Variants in ANO1 observed in about 807,000 individuals in gnomAD.
The protein encoded by ANO1 is anoctamin-1.
Under a neutral mutation model 124.0 loss-of-function variants are expected in ANO1, and 59 were observed. The ratio of observed to expected loss-of-function variants is 0.48; its 90% CI spans 0.39 to 0.59. The LOEUF is 0.59. ANO1 is among the 20% of genes least tolerant of loss of function. The pLI, the probability that ANO1 is intolerant of heterozygous loss-of-function variation, is 0.00. For missense variants in ANO1, 1,059 were observed against 1,328.0 expected (o/e 0.80, Z 3.15); for synonymous variants, 529 against 532.0 (o/e 0.99, Z 0.08).
chr11:70,169,448 C>T (rs114847464), intron 21 of ANO1, among the ~76,000 whole-genome samples: 16,858 of 150,132 alleles, frequency 0.11, 1,013 homozygotes, highest in Middle Eastern at 0.16. Context: ...CCCACCTCCC[C>T]GCCCCCCTGC....
At chr11:70,112,012 G>A (rs866989706) in intron 7 of ANO1, among the ~76,000 whole-genome samples, 14 of 152,208 alleles carry the variant, frequency 9.2e-5, no homozygotes, top group African/African-American at 3.4e-4. Context: ...CTCCTGCCTC[G>A]ACTTCCTCTG....
intron 1 of ANO1, among the ~76,000 whole-genome samples, chr11:70,019,243 C>CCCCA (rs1565162181): frequency 1.6e-5 from 2 of 122,022 alleles, no homozygotes; most frequent in Admixed American, 7.9e-5. Flanking sequence ...AAGAACCCCC[C>CCCCA]CACACACACA....
chr11:69,975,117 G>A, the ANO1 span, among the ~76,000 whole-genome samples: 2 of 152,300 alleles, frequency 1.3e-5, no homozygotes, highest in South Asian at 2.1e-4. Flanking sequence ...CGGCACCAAG[G>A]GAATCCTAAC....
Position 70,088,022 on chromosome 11 carries a change from C to G in ANO1, c.379C>G (p.Arg127Gly). The G allele has an allele frequency of 6.6e-7, 1 of 1,522,132 alleles. No individual in the cohort carries two copies. The highest frequency in any genetic ancestry group is 2.4e-5 in the East Asian group (1 of 41,524). The allele number at this position is 1,522,132 out of a possible 1,614,324, so 94.3% of individuals were successfully genotyped here. A position where few individuals can be genotyped will look rare whatever the true frequency, so the allele number is the denominator to read the frequency against. ...MDYHEDDKRF[R>G]REEYEGNLLE... ...CTACCACGAGGATGACAAGCGCTTC[C>G]GCAGGGAGGAGTACGAGGGCAACCT... The change falls in exon 2 of 26, where the codon CGC becomes GGC. Residue 127 changes from arginine (R) to glycine (G), a missense_variant. By Grantham distance (125) the Arg-to-Gly change is moderately radical (BLOSUM62 -2). This residue lies in a region of ANO1 where 250 missense variants were observed against 233.1 expected (regional missense o/e 1.07). Transcript: ENST00000355303.
intron 6 of ANO1, among the ~76,000 whole-genome samples, chr11:70,110,745 G>T (rs1291328843): frequency 1.3e-5 from 2 of 152,164 alleles, no homozygotes; most frequent in Non-Finnish European, 2.9e-5. Context: ...AGCCAAGCAG[G>T]GGGTTCCATG....
chr11:70,140,389 A>C (rs2047108353), intron 11 of ANO1, among the ~76,000 whole-genome samples: 1 of 151,920 alleles, frequency 6.6e-6, no homozygotes, highest in South Asian at 2.1e-4. Context: ...AAATTAGCCG[A>C]GCGTGGTGGC....
intron 1 of ANO1, among the ~76,000 whole-genome samples, chr11:70,018,717 C>T (rs782296631): frequency 2.6e-5 from 4 of 152,204 alleles, no homozygotes; most frequent in Non-Finnish European, 4.4e-5. Flanking sequence ...TGTAGCCCAT[C>T]GGACAGATAC....
chr11:70,018,783 C>T (rs910409914), intron 1 of ANO1, among the ~76,000 whole-genome samples: 1 of 152,226 alleles, frequency 6.6e-6, no homozygotes, highest in African/African-American at 2.4e-5. Context: ...GAAGCCCATC[C>T]CCTGAGTCTG....
chr11:69,981,869 C>T (rs541585096), upstream of ANO1, among the ~76,000 whole-genome samples: 37 of 152,262 alleles, frequency 2.4e-4, no homozygotes, highest in Middle Eastern at 3.4e-3. Flanking sequence ...AAAAGAAATG[C>T]GATTCTGATA....
chr11:70,183,455 A>AG (rs925639070), intron 24 of ANO1, among the ~76,000 whole-genome samples: 2 of 152,038 alleles, frequency 1.3e-5, no homozygotes, highest in Admixed American at 1.3e-4. Flanking sequence ...TGCCATGAGG[A>AG]GGGGGGCTCT....
Position 70,103,134 on chromosome 11 carries a change from G to A in ANO1, c.510G>A (p.Glu170=), listed in dbSNP as rs777994128. The change falls in exon 3 of 26, where the codon GAG becomes GAA. Residue 170 remains glutamate, a synonymous_variant. Coordinates refer to ENST00000355303, the MANE Select transcript of ANO1 (RefSeq NM_018043.7). The part of the protein sequence containing the change: ...APWNVLCREA[E]FLKLKMPTKK... ...GGAACGTGCTGTGCAGAGAGGCCGA[G>A]TTTCTGAAACTGAAGATGCCGACGA... 11 of 1,612,616 alleles carry A rather than the reference G, an allele frequency of 6.8e-6. No homozygotes were observed. The South Asian group carries it at 1.1e-4, about 16-fold the overall frequency.
intron 1 of ANO1, among the ~76,000 whole-genome samples, chr11:70,011,372 G>T (rs902906958): frequency 6.6e-6 from 1 of 152,196 alleles, no homozygotes; most frequent in African/African-American, 2.4e-5. Context: ...ATCTCTGCCT[G>T]TCTGACCTTG....
At chr11:69,995,971 C>A (rs1226292068) in intron 1 of ANO1, among the ~76,000 whole-genome samples, 5 of 152,156 alleles carry the variant, frequency 3.3e-5, no homozygotes, top group African/African-American at 4.8e-5. Flanking sequence ...ATTAGCCAGG[C>A]ATGGTGACAT....
chr11:69,977,154 A>G, the ANO1 span, among the ~76,000 whole-genome samples: 7 of 152,116 alleles, frequency 4.6e-5, no homozygotes, highest in African/African-American at 1.4e-4. Context: ...AAATTAAAAG[A>G]GGGGGGGACA....
At chr11:70,073,576 G>A (rs2044014899), upstream of ANO1, among the ~76,000 whole-genome samples, 2 of 152,100 alleles carry the variant, frequency 1.3e-5, no homozygotes, top group South Asian at 4.1e-4. Context: ...AAAAAACTGA[G>A]GATGGTGGGC....
At chr11:70,000,916 A>G (rs1291701886) in intron 1 of ANO1, among the ~76,000 whole-genome samples, 2 of 150,178 alleles carry the variant, frequency 1.3e-5, no homozygotes, top group Non-Finnish European at 3.0e-5. Flanking sequence ...ACAAAAGGGT[A>G]CATGAGATAC....
chr11:70,085,706 G>A, intron 1 of ANO1: 3 of 1,444,934 alleles, frequency 2.1e-6, no homozygotes, highest in Non-Finnish European at 2.7e-6. Context: ...CTGGCCCAGA[G>A]CCTCCTCTCT....
chr11:70,134,529 C>T (rs2046879498), intron 11 of ANO1, among the ~76,000 whole-genome samples: 2 of 152,194 alleles, frequency 1.3e-5, no homozygotes, highest in South Asian at 4.1e-4. Flanking sequence ...CGAGGCTTAG[C>T]ACATAGCTTA....
chr11:70,122,193 G>T (rs1203289134), intron 8 of ANO1, among the ~76,000 whole-genome samples: 1 of 93,666 alleles, frequency 1.1e-5, no homozygotes, highest in Non-Finnish European at 2.0e-5. Context: ...CTGTCTTTCT[G>T]TCTCTCCATC....
Sources: gnomAD v4.1 joint callset for allele counts (sites outside exome capture counted in the v4.1 genomes callset) on GRCh38, gnomAD v4.1.1 for gene constraint, gnomAD v4.1.1 regional missense constraint, MANE v1.5 for transcripts, NCBI Gene and HGNC (gene_info 2026-07-23, HGNC 2026-07-21) for gene names.